RNF150: variants seen among roughly 807,000 people sequenced by gnomAD.
RNF150 encodes ring finger protein 150.
A neutral mutation model predicts 39.3 loss-of-function variants in RNF150; 24 were observed. That is an observed-to-expected ratio of 0.61 (90% CI 0.44 to 0.86). The LOEUF is 0.86. Among genes scored for constraint, RNF150 ranks in the 40% least tolerant of loss-of-function variants. The pLI is 0.00. For synonymous variants in RNF150, 255 were observed against 227.3 expected (o/e 1.12, Z -1.10); for missense variants, 502 against 587.8 (o/e 0.85, Z 1.51).
chr4:140,972,985 T>G (rs904461763), intron 1 of RNF150, among the ~76,000 whole-genome samples: 3 of 152,108 alleles, frequency 2.0e-5, no homozygotes, highest in African/African-American at 7.2e-5. Context: ...TGCTAAGTCT[T>G]GGAAAGAAGA....
intron 1 of RNF150, among the ~76,000 whole-genome samples, chr4:141,113,289 C>G (rs1739445661): frequency 7.0e-6 from 1 of 143,312 alleles, no homozygotes; most frequent in South Asian, 2.3e-4. Context: ...CGAAGACACA[C>G]AGAGGCTCAA....
At chr4:140,877,789 G>T (rs766394082) in intron 6 of RNF150, among the ~76,000 whole-genome samples, 4 of 152,198 alleles carry the variant, frequency 2.6e-5, no homozygotes, top group Non-Finnish European at 5.9e-5. Flanking sequence ...TCACCTCTAA[G>T]TGGGTAACCA....
At chr4:140,984,978 A>G (rs772190209) in intron 1 of RNF150, among the ~76,000 whole-genome samples, 1 of 152,080 alleles carries the variant, frequency 6.6e-6, no homozygotes, top group Non-Finnish European at 1.5e-5. Context: ...CCTGGAATCA[A>G]CTTTTAAATA....
chr4:141,062,544 T>C (rs1233995534), intron 1 of RNF150, among the ~76,000 whole-genome samples: 1 of 152,188 alleles, frequency 6.6e-6, no homozygotes, highest in African/African-American at 2.4e-5. Context: ...TACACAATAG[T>C]GTTCTCTGAA....
chr4:141,211,274 T>C (rs1728460013), intron 1 of RNF150, among the ~76,000 whole-genome samples: 1 of 152,200 alleles, frequency 6.6e-6, no homozygotes, highest in African/African-American at 2.4e-5. Flanking sequence ...ATTTTATATG[T>C]TTGATAATTT....
chr4:140,990,404 T>A (rs1450658389), intron 1 of RNF150, among the ~76,000 whole-genome samples: 1 of 152,198 alleles, frequency 6.6e-6, no homozygotes, highest in Non-Finnish European at 1.5e-5. Flanking sequence ...GTTACCTAGG[T>A]AAATGTATAC....
chr4:140,956,255 G>A (rs914248391), intron 2 of RNF150, among the ~76,000 whole-genome samples: 1 of 152,168 alleles, frequency 6.6e-6, no homozygotes, highest in African/African-American at 2.4e-5. Context: ...GGCCATGGCA[G>A]GAACACCGCT....
At chr4:141,161,705 G>A (rs981328735) in intron 1 of RNF150, among the ~76,000 whole-genome samples, 19 of 152,210 alleles carry the variant, frequency 1.2e-4, no homozygotes, top group Non-Finnish European at 2.5e-4. Context: ...TTAGGACACT[G>A]TTCCTTGCAT....
intron 5 of RNF150, among the ~76,000 whole-genome samples, chr4:140,916,826 A>AAACT (rs1730853421): frequency 6.6e-6 from 1 of 152,258 alleles, no homozygotes; most frequent in Non-Finnish European, 1.5e-5. Flanking sequence ...GAAGCCCATC[A>AAACT]GACTAACAGC....
intron 1 of RNF150, among the ~76,000 whole-genome samples, chr4:141,081,184 C>CA (rs567822546): frequency 2.6e-5 from 4 of 152,076 alleles, no homozygotes; most frequent in Non-Finnish European, 4.4e-5. Flanking sequence ...TTTTATTTTA[C>CA]AAAAAACCCT....
intron 1 of RNF150, among the ~76,000 whole-genome samples, chr4:141,152,099 C>T (rs1056429866): frequency 1.3e-5 from 2 of 152,098 alleles, no homozygotes; most frequent in Non-Finnish European, 2.9e-5. Flanking sequence ...TAATCCCTCT[C>T]AAGCAATCTG....
intron 1 of RNF150, among the ~76,000 whole-genome samples, chr4:141,147,477 G>A (rs559891060): frequency 6.6e-6 from 1 of 152,320 alleles, no homozygotes; most frequent in African/African-American, 2.4e-5. Flanking sequence ...ATATTCCATT[G>A]CCTAGAACCC....
chr4:140,878,075 A>G (rs560865281), intron 6 of RNF150, among the ~76,000 whole-genome samples: 1 of 152,246 alleles, frequency 6.6e-6, no homozygotes, highest in Admixed American at 6.5e-5. Flanking sequence ...TATCCCCATC[A>G]ACACTTACTA....
intron 1 of RNF150, among the ~76,000 whole-genome samples, chr4:141,167,651 C>T (rs1165996782): frequency 2.6e-5 from 4 of 152,214 alleles, no homozygotes; most frequent in Admixed American, 1.3e-4. Flanking sequence ...CACTTACAAC[C>T]ATTTGGTCTT....
chr4:141,118,412 G>T (rs1726497949), intron 1 of RNF150, among the ~76,000 whole-genome samples: 1 of 152,152 alleles, frequency 6.6e-6, no homozygotes, highest in Admixed American at 6.5e-5. Context: ...CTACTACATG[G>T]TGTTGAGATG....
Position 140,861,900 on chromosome 4 carries a change from G to T in RNF150, c.*6361C>A, listed in dbSNP as rs1057217051. On this transcript the variant is annotated 3_prime_UTR_variant, in exon 7 of 7. Coordinates refer to ENST00000515673, the MANE Select transcript of RNF150 (RefSeq NM_020724.2). Reference sequence around the variant, plus strand: ...GGCCACAATTCATTTTTTAGATTTCGGGATTTAGTAAGGTCAATCAACAGT... The same window carrying T: ...GGCCACAATTCATTTTTTAGATTTCTGGATTTAGTAAGGTCAATCAACAGT... 6.6e-6 allele frequency: 1 copy of T among 152,104 alleles called. No individual in the cohort carries two copies. Among genetic ancestry groups the T allele is most frequent in the Admixed American group, 6.6e-5 (1 of 15,264 alleles). 9.4% of individuals were successfully genotyped at this position (152,104 alleles called of 1,614,324 possible).
At position 141,122,140 on chromosome 4, in the gene RNF150, C is replaced by G. The variant is rs1389476641; in HGVS notation, c.484+10185G>C. 3.3e-5 allele frequency among the ~76,000 whole-genome samples: 5 copies of G among 152,124 alleles called. No individual in the cohort carries two copies. In the South Asian group the frequency reaches 1.0e-3, roughly 32 times the overall value. On this transcript the variant is annotated intron_variant, in intron 1 of 6. Coordinates refer to ENST00000515673, the MANE Select transcript of RNF150 (RefSeq NM_020724.2). The stretch of plus-strand genomic sequence containing the variant: ...CAGAGGAGGGAAGTGACTTGCCAAC[C>G]GAAAAGCCAATTTGAGAGAGAGCCA...
chr4:140,988,041 A>G (rs981348962), intron 1 of RNF150, among the ~76,000 whole-genome samples: 4 of 152,194 alleles, frequency 2.6e-5, no homozygotes, highest in African/African-American at 9.6e-5. Flanking sequence ...TGCAAATCAA[A>G]CCACAATGAG....
intron 2 of RNF150, among the ~76,000 whole-genome samples, chr4:140,962,075 C>G (rs1444285494): frequency 6.8e-6 from 1 of 147,020 alleles, no homozygotes; most frequent in Non-Finnish European, 1.5e-5. Flanking sequence ...TTCTCTCTCT[C>G]TCTCTACTCT....
Sources: gnomAD v4.1 joint callset for allele counts (sites outside exome capture counted in the v4.1 genomes callset) on GRCh38, gnomAD v4.1.1 for gene constraint, MANE v1.5 for transcripts, NCBI Gene and HGNC (gene_info 2026-07-23, HGNC 2026-07-21) for gene names.